SLC3A2: variants seen among roughly 807,000 people sequenced by gnomAD.
SLC3A2 encodes amino acid transporter heavy chain SLC3A2.
Under a neutral mutation model 48.5 loss-of-function variants are expected in SLC3A2, and 32 were observed. The observed-to-expected ratio is 0.66, with a 90% CI of 0.50 to 0.89. The LOEUF (loss-of-function observed/expected upper bound fraction) is 0.89, where lower values mean the gene tolerates loss of function less well. Among genes scored for constraint, SLC3A2 ranks in the 40% least tolerant of loss-of-function variants. The pLI, the probability that SLC3A2 is intolerant of heterozygous loss-of-function variation, is 0.00. For synonymous variants in SLC3A2, 277 were observed against 288.8 expected (o/e 0.96, Z 0.41); for missense variants, 587 against 680.7 (o/e 0.86, Z 1.53).
intron 2 of SLC3A2, chr11:62,882,356 T>G: frequency 6.2e-6 from 2 of 323,158 alleles, no homozygotes; most frequent in Non-Finnish European, 5.7e-6. Flanking sequence ...AAACAGTAGG[T>G]TTTTTTGGGG....
chr11:62,856,580 C>T (rs562280674), intron 1 of SLC3A2, among the ~76,000 whole-genome samples: 5 of 152,160 alleles, frequency 3.3e-5, no homozygotes, highest in Non-Finnish European at 7.4e-5. Flanking sequence ...TATGGAGCAC[C>T]GTTTTAAGCA....
chr11:62,872,194 G>A (rs774711436), intron 1 of SLC3A2, among the ~76,000 whole-genome samples: 12 of 152,178 alleles, frequency 7.9e-5, no homozygotes, highest in Non-Finnish European at 1.2e-4. Context: ...GATTACAGGC[G>A]TAAGCCACTG....
chr11:62,858,627 C>G (rs557662487), intron 1 of SLC3A2, among the ~76,000 whole-genome samples: 1 of 152,138 alleles, frequency 6.6e-6, no homozygotes, highest in Non-Finnish European at 1.5e-5. Context: ...AATAAGGGGA[C>G]CCGGGGAACC....
rs182149501 is a variant in SLC3A2, at chr11:62,869,356, C to T, written c.113-11663C>T. ...TGGCTAATACGGTGAAACCCTGTCT[C>T]TACTAAAAATACAAAAAATTAGCCA... On this transcript the variant is annotated intron_variant, in intron 1 of 9. Transcript: ENST00000377889. Among the ~76,000 whole-genome samples, 406 of 151,276 alleles carry T rather than the reference C, an allele frequency of 2.7e-3. 3 individuals carry two copies. Among genetic ancestry groups the T allele is most frequent in the African/African-American group, 8.5e-3 (353 of 41,294 alleles).
chr11:62,885,666 T>C (rs551200427), intron 7 of SLC3A2, 58 bp downstream of exon 7: 36 of 1,584,618 alleles, frequency 2.3e-5, no homozygotes, highest in Non-Finnish European at 2.9e-5. Context: ...ACAATGATGA[T>C]TCTGGGGATG....
intron 1 of SLC3A2, among the ~76,000 whole-genome samples, chr11:62,859,399 A>G (rs934800421): frequency 3.3e-5 from 5 of 152,224 alleles, no homozygotes; most frequent in African/African-American, 1.2e-4. Flanking sequence ...CTTAGTACAT[A>G]ACAAAATGGA....
At chr11:62,872,225 T>A (rs903235042) in intron 1 of SLC3A2, among the ~76,000 whole-genome samples, 2 of 152,134 alleles carry the variant, frequency 1.3e-5, no homozygotes, top group South Asian at 2.1e-4. Flanking sequence ...TCTGCTTTTT[T>A]AAAAAAAGAA....
intron 1 of SLC3A2, among the ~76,000 whole-genome samples, chr11:62,863,393 A>C (rs114001988): frequency 3.0e-4 from 46 of 152,170 alleles, no homozygotes; most frequent in African/African-American, 1.1e-3. Flanking sequence ...CTAATTCTTT[A>C]ATTTTTTGGA....
chr11:62,857,361 G>C (rs182409307), intron 1 of SLC3A2, among the ~76,000 whole-genome samples: 1 of 151,162 alleles, frequency 6.6e-6, no homozygotes, highest in Non-Finnish European at 1.5e-5. Flanking sequence ...CTGACCTCAG[G>C]TGACCTCCTG....
chr11:62,870,852 AATAATT>A (rs769714790), intron 1 of SLC3A2: 8,668 of 110,376 alleles, frequency 0.079, 320 homozygotes, highest in Admixed American at 0.22. Context: ...TAATAATAAT[AATAATT>A]ATTATTATTA....
intron 1 of SLC3A2, among the ~76,000 whole-genome samples, chr11:62,875,723 T>C (rs2085564323): frequency 6.6e-6 from 1 of 152,100 alleles, no homozygotes; most frequent in Admixed American, 6.6e-5. Context: ...GCCACCACCA[T>C]GCCCAGCTCA....
At chr11:62,870,374 G>GT (rs1022894939) in intron 1 of SLC3A2, among the ~76,000 whole-genome samples, 22 of 149,920 alleles carry the variant, frequency 1.5e-4, no homozygotes, top group African/African-American at 3.2e-4. Context: ...TAGAGATGGG[G>GT]TTTTTTTTAC....
chr11:62,871,592 G>A, intron 1 of SLC3A2: 1 of 654,706 alleles, frequency 1.5e-6, no homozygotes, highest in East Asian at 3.0e-5. Flanking sequence ...GGGTCTGACT[G>A]TGTTACCCAG....
intron 1 of SLC3A2, among the ~76,000 whole-genome samples, chr11:62,861,776 G>GT (rs991343555): frequency 6.6e-6 from 1 of 151,960 alleles, no homozygotes; most frequent in Admixed American, 6.6e-5. Flanking sequence ...TCAGCCAGGC[G>GT]TGGTGGCATA....
chr11:62,886,367 T>C (rs1377543663), intron 7 of SLC3A2: 1 of 151,370 alleles, frequency 6.6e-6, no homozygotes, highest in East Asian at 1.9e-4. Context: ...TAGCTTTAGA[T>C]ACAGGGTTAC....
At chr11:62,872,165 T>A (rs2085524780) in intron 1 of SLC3A2, among the ~76,000 whole-genome samples, 1 of 152,022 alleles carries the variant, frequency 6.6e-6, no homozygotes, top group South Asian at 2.1e-4. Flanking sequence ...TCCGTCTGCC[T>A]GGCCTCCCAA....
chr11:62,886,529 C>T (rs940837389), intron 7 of SLC3A2: 3 of 152,102 alleles, frequency 2.0e-5, no homozygotes, highest in Admixed American at 1.3e-4. Context: ...GATCATCCCA[C>T]CTCAGCCTCC....
chr11:62,883,920 A>G (rs145642653), intron 3 of SLC3A2: 1 of 454,924 alleles, frequency 2.2e-6, no homozygotes, highest in East Asian at 6.9e-5. Flanking sequence ...CCCTGGGGCT[A>G]TGCTTTGAAT....
At chr11:62,870,846 A>ATTATT (rs2085505663) in intron 1 of SLC3A2, 1 of 141,608 alleles carries the variant, frequency 7.1e-6, no homozygotes, top group Non-Finnish European at 1.2e-5. Flanking sequence ...AGGTAATAAT[A>ATTATT]ATAATAATAA....
Sources: allele counts gnomAD v4.1 joint callset (sites outside exome capture counted in the v4.1 genomes callset), GRCh38; gene constraint gnomAD v4.1.1; transcripts MANE v1.5; gene names NCBI Gene and HGNC (gene_info 2026-07-23, HGNC 2026-07-21).